The following CYP7B1 variants were observed in gnomAD, a reference collection of about 807,000 sequenced individuals.
CYP7B1 encodes cytochrome P450 7B1.
Under a neutral mutation model 42.7 loss-of-function variants are expected in CYP7B1, and 29 were observed. That is an observed-to-expected ratio of 0.68 (90% CI 0.51 to 0.93). The LOEUF (loss-of-function observed/expected upper bound fraction) is 0.93, where lower values mean the gene tolerates loss of function less well. CYP7B1 is among the 40% of genes least tolerant of loss of function. The probability of loss-of-function intolerance (pLI) is 0.00; values close to 1 mark genes in which losing one functional copy is unlikely to be tolerated. For missense variants in CYP7B1, 655 were observed against 600.5 expected, an observed-to-expected ratio of 1.09 and a Z score of -0.95; for synonymous variants, 235 against 218.2, an observed-to-expected ratio of 1.08 and a Z score of -0.68.
chr8:64,722,746 G>GT (rs1325834982), intron 1 of CYP7B1, among the ~76,000 whole-genome samples: 2 of 108,246 alleles, frequency 1.8e-5, no homozygotes, highest in African/African-American at 6.7e-5. Context: ...TTTGCGGCGG[G>GT]GGGGGGGGGG....
chr8:64,696,685 T>C (rs565222619), intron 1 of CYP7B1, among the ~76,000 whole-genome samples: 69 of 152,330 alleles, frequency 4.5e-4, no homozygotes, highest in South Asian at 2.5e-3. Context: ...TTTAGCCTGA[T>C]TTCCATACGA....
chr8:64,616,671 G>A (rs1380136637), intron 2 of CYP7B1, among the ~76,000 whole-genome samples: 1 of 152,112 alleles, frequency 6.6e-6, no homozygotes, highest in Non-Finnish European at 1.5e-5. Context: ...TTCCATTTCT[G>A]AGTATTTATA....
chr8:64,728,731 A>G (rs997317711), intron 1 of CYP7B1: 1 of 152,250 alleles, frequency 6.6e-6, no homozygotes, highest in Non-Finnish European at 1.5e-5. Context: ...AGAATTATCA[A>G]ACACTTCTAG....
chr8:64,769,738 T>C (rs891003223), intron 1 of CYP7B1, among the ~76,000 whole-genome samples: 5 of 152,126 alleles, frequency 3.3e-5, no homozygotes, highest in Non-Finnish European at 7.4e-5. Flanking sequence ...TTGATCGCTT[T>C]CTCCTCCCTC....
At chr8:64,620,735 G>T (rs557344303) in intron 2 of CYP7B1, among the ~76,000 whole-genome samples, 1 of 152,140 alleles carries the variant, frequency 6.6e-6, no homozygotes, top group South Asian at 2.1e-4. Context: ...AGGATTTCTT[G>T]ACAGGAATTT....
intron 1 of CYP7B1, among the ~76,000 whole-genome samples, chr8:64,727,024 A>T (rs1807335082): frequency 6.6e-6 from 1 of 152,154 alleles, no homozygotes; most frequent in South Asian, 2.1e-4. Flanking sequence ...CCTGCAACAC[A>T]AATAGGTCTA....
chr8:64,726,504 C>A (rs1423105751), intron 1 of CYP7B1, among the ~76,000 whole-genome samples: 1 of 152,160 alleles, frequency 6.6e-6, no homozygotes, highest in East Asian at 1.9e-4. Context: ...GGAACGGGCA[C>A]TAGATTGAAG....
intron 1 of CYP7B1, among the ~76,000 whole-genome samples, chr8:64,777,172 T>TG (rs1804339708): frequency 7.6e-6 from 1 of 132,082 alleles, no homozygotes; most frequent in South Asian, 2.3e-4. Flanking sequence ...AGGGTCATTT[T>TG]GTAAAAAAAA....
At chr8:64,621,145 A>G (rs992681925) in intron 2 of CYP7B1, among the ~76,000 whole-genome samples, 3 of 152,248 alleles carry the variant, frequency 2.0e-5, no homozygotes, top group Admixed American at 2.0e-4. Context: ...GAGAAGCACC[A>G]GCTCAGGCTT....
chr8:64,731,800 C>T (rs528918317), intron 1 of CYP7B1, among the ~76,000 whole-genome samples: 1 of 152,284 alleles, frequency 6.6e-6, no homozygotes, highest in South Asian at 2.1e-4. Context: ...TCCGGTGTCC[C>T]AGATGCTTCA....
intron 1 of CYP7B1, among the ~76,000 whole-genome samples, chr8:64,641,114 C>T (rs1214630628): frequency 1.3e-5 from 2 of 152,118 alleles, no homozygotes; most frequent in African/African-American, 4.8e-5. Context: ...ATATTCAACG[C>T]TGGTTACCTG....
Position 64,616,080 on chromosome 8 carries a change from A to C in CYP7B1, c.461T>G (p.Leu154Trp). ...FLQGKSLDIL[L>W]ESMMQNLKQV... is the part of the protein sequence containing the mutation. ...TTTTAGATTCTGCATCATGCTTTCCAAGAGTATGTCCAAAGATTTGCCTTG... is the reference window on the plus strand; with the variant it reads ...TTTTAGATTCTGCATCATGCTTTCCCAGAGTATGTCCAAAGATTTGCCTTG... The change falls in exon 3 of 6, where the codon TTG becomes TGG. Residue 154 changes from leucine (L) to tryptophan (W), a missense_variant. Coordinates refer to ENST00000310193, the MANE Select transcript of CYP7B1 (RefSeq NM_004820.5). 6.2e-7 allele frequency: 1 copy of C among 1,613,760 alleles called. No individual in the cohort carries two copies. Among genetic ancestry groups the C allele is most frequent in the Non-Finnish European group, 8.5e-7 (1 of 1,179,830 alleles).
At chr8:64,612,987 C>G (rs563481318) in intron 4 of CYP7B1, among the ~76,000 whole-genome samples, 1 of 152,208 alleles carries the variant, frequency 6.6e-6, no homozygotes, top group South Asian at 2.1e-4. Flanking sequence ...TAAGTTTGCT[C>G]TGATCTGCAT....
intron 1 of CYP7B1, among the ~76,000 whole-genome samples, chr8:64,642,716 CAT>C (rs1200229228): frequency 6.6e-6 from 1 of 152,056 alleles, no homozygotes; most frequent in Non-Finnish European, 1.5e-5. Context: ...ATTGTTGTAA[CAT>C]ACTTCTTTTC....
downstream of CYP7B1, among the ~76,000 whole-genome samples, chr8:64,588,810 C>T (rs960424065): frequency 6.6e-6 from 1 of 152,190 alleles, no homozygotes; most frequent in Non-Finnish European, 1.5e-5. Context: ...AGTCGGTGCT[C>T]TCCATCTAAG....
chr8:64,627,973 T>C (rs1275787566), intron 1 of CYP7B1, among the ~76,000 whole-genome samples: 1 of 152,208 alleles, frequency 6.6e-6, no homozygotes, highest in African/African-American at 2.4e-5. Flanking sequence ...GTCTCTCTCA[T>C]GCTCTGTGAC....
chr8:64,651,280 G>A (rs532713761), intron 1 of CYP7B1, among the ~76,000 whole-genome samples: 10 of 152,350 alleles, frequency 6.6e-5, no homozygotes, highest in Admixed American at 5.9e-4. Context: ...AGAACTGCAT[G>A]ATACACAGGT....
intron 1 of CYP7B1, among the ~76,000 whole-genome samples, chr8:64,735,730 A>G (rs1029985874): frequency 5.3e-5 from 8 of 152,206 alleles, no homozygotes; most frequent in African/African-American, 1.2e-4. Flanking sequence ...TTCCCCTACA[A>G]TTCTGGCAAT....
At chr8:64,736,340 C>T (rs1445021217) in intron 1 of CYP7B1, among the ~76,000 whole-genome samples, 1 of 152,122 alleles carries the variant, frequency 6.6e-6, no homozygotes, top group Admixed American at 6.5e-5. Context: ...GTTCAGATGA[C>T]ACACGAATGG....
Sources: gnomAD v4.1 joint callset for allele counts (sites outside exome capture counted in the v4.1 genomes callset) on GRCh38, gnomAD v4.1.1 for gene constraint, MANE v1.5 for transcripts, NCBI Gene and HGNC (gene_info 2026-07-23, HGNC 2026-07-21) for gene names.